TERB1: variants seen among roughly 807,000 people sequenced by gnomAD.
The protein encoded by TERB1 is telomere repeats-binding bouquet formation protein 1.
A neutral mutation model predicts 92.3 loss-of-function variants in TERB1; 63 were observed. The ratio of observed to expected loss-of-function variants is 0.68; its 90% confidence interval spans 0.56 to 0.84. The LOEUF is 0.84. Among genes scored for constraint, TERB1 ranks in the 40% least tolerant of loss-of-function variants. TERB1 has a pLI of 0.00. For synonymous variants in TERB1, 252 were observed against 283.9 expected (o/e 0.89, Z 1.13); for missense variants, 709 against 843.7 (o/e 0.84, Z 1.98).
intron 2 of TERB1, among the ~76,000 whole-genome samples, chr16:66,797,131 C>G (rs1468712715): frequency 6.6e-6 from 1 of 152,078 alleles, no homozygotes; most frequent in East Asian, 1.9e-4. Context: ...ATAAACATAT[C>G]TGGCATTTCT....
Position 66,790,613 on chromosome 16 carries a change from C to T in TERB1, c.253G>A (p.Ala85Thr). The stretch of plus-strand genomic sequence containing the variant: ...ATTTTACCATTTTTCTCTGCAATAG[C>T]TCCTAATGTATATAAGGCTGCTTCT... The part of the protein sequence containing the change: ...VKEAALYTLG[A>T]IAEKNVYCQQ... Residue 85 changes from alanine to threonine, a missense_variant, in exon 5 of 19, where the codon GCT becomes ACT. Ala to Thr is a moderately conservative substitution (Grantham distance 58). Transcript: ENST00000433154. 6.5e-7 allele frequency: 1 copy of T among 1,546,222 alleles called. No homozygotes were observed. Among genetic ancestry groups the T allele is most frequent in the Non-Finnish European group, 8.7e-7 (1 of 1,143,192 alleles).
chr16:66,780,573 CAA>C (rs5817604), intron 9 of TERB1, among the ~76,000 whole-genome samples: 10 of 127,840 alleles, frequency 7.8e-5, no homozygotes, highest in Admixed American at 8.0e-5. Flanking sequence ...GACTCTAGCT[CAA>C]AAAAAAAAAA....
intron 3 of TERB1, among the ~76,000 whole-genome samples, chr16:66,794,922 AACACACAC>A (rs57731987): frequency 1.4e-5 from 2 of 146,144 alleles, no homozygotes; most frequent in Non-Finnish European, 3.0e-5. Flanking sequence ...AAAAAAAAAA[AACACACAC>A]ACACACACAC....
chr16:66,796,654 T>C lies in TERB1; in HGVS notation c.31+114A>G, dbSNP rs981459128. 7 of 769,916 alleles carry C rather than the reference T, an allele frequency of 9.1e-6. No individual in the cohort carries two copies. In the East Asian group the frequency reaches 1.1e-4, roughly 12 times the overall value. The allele number at this position is 769,916 out of a possible 1,614,324, so 47.7% of individuals were successfully genotyped here. ...GTGACAGGCACAGAGTAGTGCTCAA[T>C]AGTTATGTAAATGGCTGAATGATTC... On this transcript the variant is annotated intron_variant, in intron 3 of 18. Transcript: ENST00000433154.
At chr16:66,788,076 A>C (rs990417163) in intron 6 of TERB1, 93 bp downstream of exon 6, 7 of 1,074,772 alleles carry the variant, frequency 6.5e-6, no homozygotes, top group Non-Finnish European at 8.8e-6. Context: ...ACACAAAAAA[A>C]CAAAACTGAT....
intron 3 of TERB1, among the ~76,000 whole-genome samples, chr16:66,792,120 T>C (rs1029250034): frequency 2.0e-5 from 3 of 152,144 alleles, no homozygotes; most frequent in Non-Finnish European, 2.9e-5. Context: ...CAAGGTTGAT[T>C]TATGATTTAA....
At chr16:66,796,475 T>C (rs363194) in intron 3 of TERB1, among the ~76,000 whole-genome samples, 1 of 152,236 alleles carries the variant, frequency 6.6e-6, no homozygotes, top group African/African-American at 2.4e-5. Flanking sequence ...GGAACAATTC[T>C]GAAATCTGTA....
chr16:66,795,868 C>T (rs1021405454), intron 3 of TERB1, among the ~76,000 whole-genome samples: 1 of 152,196 alleles, frequency 6.6e-6, no homozygotes, highest in Admixed American at 6.5e-5. Context: ...CCCACCTCAG[C>T]CTCCCAAGTA....
At chr16:66,775,446 C>T (rs2018530201) in intron 11 of TERB1, among the ~76,000 whole-genome samples, 3 of 151,978 alleles carry the variant, frequency 2.0e-5, no homozygotes, top group Non-Finnish European at 2.9e-5. Context: ...CCAGCCTAGT[C>T]AACATGGTGA....
intron 3 of TERB1, among the ~76,000 whole-genome samples, chr16:66,791,466 A>G (rs1168094364): frequency 6.6e-6 from 1 of 152,166 alleles, no homozygotes; most frequent in African/African-American, 2.4e-5. Flanking sequence ...CAATATAGGT[A>G]CAATAAAGGA....
intron 9 of TERB1, among the ~76,000 whole-genome samples, chr16:66,782,381 C>A (rs994175645): frequency 6.6e-6 from 1 of 152,034 alleles, no homozygotes; most frequent in African/African-American, 2.4e-5. Context: ...GAAACCCCAT[C>A]TCTACTAAAA....
intron 2 of TERB1, among the ~76,000 whole-genome samples, chr16:66,800,715 A>C (rs1422577796): frequency 6.6e-6 from 1 of 152,080 alleles, no homozygotes; most frequent in Non-Finnish European, 1.5e-5. Flanking sequence ...CCTCTAAAGA[A>C]GACGCAAGAA....
chr16:66,756,205 C>T (rs933033525), intron 18 of TERB1, among the ~76,000 whole-genome samples: 1 of 152,122 alleles, frequency 6.6e-6, no homozygotes, highest in Non-Finnish European at 1.5e-5. Context: ...TATTTACTTT[C>T]GTAGTACTGG....
intron 6 of TERB1, among the ~76,000 whole-genome samples, chr16:66,787,888 CCT>C (rs1014748560): frequency 3.9e-5 from 6 of 152,234 alleles, no homozygotes; most frequent in Admixed American, 3.9e-4. Context: ...TGGTGCAACC[CCT>C]GTCTCTACTA....
At chr16:66,794,837 G>A (rs1057027183) in intron 3 of TERB1, among the ~76,000 whole-genome samples, 1 of 151,834 alleles carries the variant, frequency 6.6e-6, no homozygotes, top group African/African-American at 2.4e-5. Flanking sequence ...GTGAACCTGG[G>A]AGGCCGAGCT....
chr16:66,794,946 C>CA (rs1246568716), intron 3 of TERB1, among the ~76,000 whole-genome samples: 1 of 151,656 alleles, frequency 6.6e-6, no homozygotes, highest in Non-Finnish European at 1.5e-5. Context: ...CACACACACA[C>CA]AATCAAATAA....
At chr16:66,788,503 A>G (rs1431271252) in intron 5 of TERB1, among the ~76,000 whole-genome samples, 1 of 152,082 alleles carries the variant, frequency 6.6e-6, no homozygotes. Flanking sequence ...AATCAAAAGT[A>G]CTTAATCTAG....
intron 9 of TERB1, among the ~76,000 whole-genome samples, chr16:66,781,519 C>CTTTTTT (rs34191078): frequency 1.7e-5 from 2 of 121,168 alleles, no homozygotes; most frequent in Admixed American, 9.1e-5. Context: ...GGTACAAATT[C>CTTTTTT]TTTTTTTTTT....
chr16:66,796,388 T>A (rs2018929964), intron 3 of TERB1, among the ~76,000 whole-genome samples: 1 of 152,208 alleles, frequency 6.6e-6, no homozygotes, highest in African/African-American at 2.4e-5. Context: ...AAACCTTATG[T>A]GATGGTGTAT....
Sources: allele counts gnomAD v4.1 joint callset (sites outside exome capture counted in the v4.1 genomes callset), GRCh38; gene constraint gnomAD v4.1.1; transcripts MANE v1.5; gene names NCBI Gene and HGNC (gene_info 2026-07-23, HGNC 2026-07-21).